Variants in FHAD1 observed in about 807,000 individuals in gnomAD.
FHAD1 encodes forkhead associated phosphopeptide binding domain 1.
A neutral mutation model predicts 191.3 loss-of-function variants in FHAD1; 146 were observed. That is an observed-to-expected ratio of 0.76 (90% CI 0.67 to 0.88). The LOEUF (loss-of-function observed/expected upper bound fraction) is 0.88. Among genes scored for constraint, FHAD1 ranks in the 40% least tolerant of loss-of-function variants. The probability of loss-of-function intolerance (pLI) is 0.00; values close to 1 mark genes in which losing one functional copy is unlikely to be tolerated. For synonymous variants in FHAD1, 616 were observed against 672.3 expected (o/e 0.92, Z 1.29); for missense variants, 1,635 against 1,785.8 (o/e 0.92, Z 1.52).
intron 33 of FHAD1, among the ~76,000 whole-genome samples, chr1:15,395,089 G>A (rs865818608): frequency 7.9e-5 from 12 of 152,002 alleles, no homozygotes; most frequent in African/African-American, 1.5e-4. Context: ...CGAGATGGGC[G>A]GATCATGAGG....
At chr1:15,278,662 C>T (rs1462655877) in intron 3 of FHAD1, among the ~76,000 whole-genome samples, 2 of 151,876 alleles carry the variant, frequency 1.3e-5, no homozygotes, top group Non-Finnish European at 2.9e-5. Flanking sequence ...TTAGTAGAGA[C>T]GCAGTTTCAC....
chr1:15,364,918 C>A (rs1199919115), intron 23 of FHAD1, among the ~76,000 whole-genome samples: 2 of 152,186 alleles, frequency 1.3e-5, no homozygotes, highest in Non-Finnish European at 2.9e-5. Context: ...ATCAACCATC[C>A]TGAGTCTCAG....
At chr1:15,241,150 G>A (rs781577076) in intron 1 of FHAD1, among the ~76,000 whole-genome samples, 2 of 151,998 alleles carry the variant, frequency 1.3e-5, no homozygotes, top group Non-Finnish European at 2.9e-5. Context: ...GGGTTGTTTT[G>A]AGCTGCTAAG....
chr1:15,319,084 C>T (rs1213877592), intron 10 of FHAD1, among the ~76,000 whole-genome samples: 1 of 152,116 alleles, frequency 6.6e-6, no homozygotes, highest in Non-Finnish European at 1.5e-5. Context: ...CCTGCCTCAG[C>T]CTCCCAAAGT....
At chr1:15,305,145 G>A (rs1670057261) in intron 6 of FHAD1, among the ~76,000 whole-genome samples, 1 of 152,224 alleles carries the variant, frequency 6.6e-6, no homozygotes, top group African/African-American at 2.4e-5. Context: ...AGAAGCAGAA[G>A]CTAAAACGCA....
At chr1:15,372,510 A>G (rs1175870686) in intron 26 of FHAD1, among the ~76,000 whole-genome samples, 1 of 151,426 alleles carries the variant, frequency 6.6e-6, no homozygotes, top group Non-Finnish European at 1.5e-5. Flanking sequence ...CCCCATAGAA[A>G]ATGCACCCAC....
In FHAD1 at chr1:15,293,537, G is replaced by A. The variant is rs1372084708; in HGVS notation, c.569-3147G>A. On this transcript the variant is annotated intron_variant, in intron 4 of 33. Transcript: ENST00000688493. ...GTCTGAGACCAGCCTGACTAACATG[G>A]TGAAACCCCATCTCTACTAAAAATA... Among the ~76,000 whole-genome samples the A allele has an allele frequency of 4.6e-5, 7 of 152,084 alleles. 1 individual carries two copies. Among genetic ancestry groups the A allele is most frequent in the Non-Finnish European group, 8.8e-5 (6 of 68,016 alleles).
At chr1:15,313,031 AC>A (rs1485409768) in intron 7 of FHAD1, 25 bp from the exon 8 acceptor site, 9 of 1,551,080 alleles carry the variant, frequency 5.8e-6, no homozygotes, top group Admixed American at 2.0e-5. Flanking sequence ...TGCCTCTTTG[AC>A]CTCTGCGAGT....
At chr1:15,267,052 A>C (rs529623671) in intron 2 of FHAD1, among the ~76,000 whole-genome samples, 82 of 152,350 alleles carry the variant, frequency 5.4e-4, no homozygotes, top group African/African-American at 2.0e-3. Context: ...AAAATAAATG[A>C]ATCTTAAATC....
chr1:15,259,063 T>C (rs1013603829), intron 2 of FHAD1, among the ~76,000 whole-genome samples: 19 of 152,342 alleles, frequency 1.2e-4, no homozygotes, highest in African/African-American at 4.6e-4. Context: ...TCTCCCCACA[T>C]CCTCACCAGC....
downstream of FHAD1, among the ~76,000 whole-genome samples, chr1:15,402,732 A>G (rs1387214566): frequency 6.6e-6 from 1 of 152,228 alleles, no homozygotes; most frequent in Non-Finnish European, 1.5e-5. Flanking sequence ...AACTTGCCCA[A>G]GGTCACAGAG....
At chr1:15,300,544 G>C (rs1365347716) in intron 5 of FHAD1, among the ~76,000 whole-genome samples, 4 of 152,174 alleles carry the variant, frequency 2.6e-5, no homozygotes, top group Admixed American at 6.5e-5. Context: ...TTCGTCCCCA[G>C]ATGTTAGACT....
chr1:15,308,594 G>A lies in FHAD1; in HGVS notation c.916-19G>A, dbSNP rs1178448089. On this transcript the variant is annotated intron_variant, in intron 6 of 33. Coordinates refer to ENST00000688493, the MANE Select transcript of FHAD1 (RefSeq NM_001391957.1). Reference sequence around the variant, plus strand: ...GACGTGGGCCAGCCCCCCTCTGACTGTGCCACCTCCTCCCACAGATCAGTG... The same window carrying A: ...GACGTGGGCCAGCCCCCCTCTGACTATGCCACCTCCTCCCACAGATCAGTG... The A allele has an allele frequency of 3.2e-6, 5 of 1,551,406 alleles. No homozygotes were observed. Among genetic ancestry groups the A allele is most frequent in the Non-Finnish European group, 4.4e-6 (5 of 1,146,874 alleles).
chr1:15,333,227 G>A (rs1682463218), intron 14 of FHAD1, among the ~76,000 whole-genome samples: 1 of 152,136 alleles, frequency 6.6e-6, no homozygotes, highest in Non-Finnish European at 1.5e-5. Context: ...AAGACTAAAA[G>A]AAAAGGGTAA....
chr1:15,333,909 T>C (rs1459110344), intron 14 of FHAD1, among the ~76,000 whole-genome samples: 1 of 148,650 alleles, frequency 6.7e-6, no homozygotes, highest in East Asian at 2.0e-4. Context: ...TTCAGCTCAT[T>C]GCAATCTCCA....
chr1:15,392,189 C>G (rs544320460), intron 33 of FHAD1, among the ~76,000 whole-genome samples: 1 of 152,304 alleles, frequency 6.6e-6, no homozygotes, highest in East Asian at 1.9e-4. Context: ...CCATTTTTCT[C>G]TGATGCAAGA....
Position 15,276,476 on chromosome 1 carries a change from A to T in FHAD1, c.300+3947A>T, listed in dbSNP as rs1658425266. On this transcript the variant is annotated intron_variant, in intron 3 of 33. Coordinates refer to ENST00000688493, the MANE Select transcript of FHAD1 (RefSeq NM_001391957.1). This position sits in a 1 kb window ranked among gnomAD's most constrained non-coding sequence, Gnocchi z 4.7. ...TGGCACCCACGATATGCTTAAGAGT[A>T]CACGTTATATATCATAGCTTTTTTG... Among the ~76,000 whole-genome samples the T allele has an allele frequency of 6.6e-6, 1 of 152,256 alleles. No homozygotes were observed. Among genetic ancestry groups the T allele is most frequent in the Admixed American group, 6.5e-5 (1 of 15,290 alleles).
At position 15,316,469 on chromosome 1, in the gene FHAD1, T is replaced by C; in HGVS notation, c.1260+2T>C. ...AAAGAGTTAAAACTCTGCAAAACCG[T>C]GAGTTGAGCTTCCTCCTTTGTAGGT... is the stretch of plus-strand genomic sequence containing the variant. On this transcript the variant is annotated splice_donor_variant, in intron 9 of 33. Coordinates refer to ENST00000688493, the MANE Select transcript of FHAD1 (RefSeq NM_001391957.1). LOFTEE classifies it high-confidence loss of function. The surrounding 1 kb of genome is among the most constrained non-coding windows in gnomAD (Gnocchi z 4.3). 1 of 1,551,370 alleles carries C rather than the reference T, an allele frequency of 6.4e-7. No individual in the cohort carries two copies. Among genetic ancestry groups the C allele is most frequent in the Non-Finnish European group, 8.7e-7 (1 of 1,146,816 alleles).
chr1:15,349,426 C>T (rs1211567258), intron 19 of FHAD1, among the ~76,000 whole-genome samples: 1 of 152,176 alleles, frequency 6.6e-6, no homozygotes, highest in African/African-American at 2.4e-5. Flanking sequence ...CCTAGAGGGC[C>T]CTCGGGAAGA....
Sources: allele counts gnomAD v4.1 joint callset (sites outside exome capture counted in the v4.1 genomes callset), GRCh38; gene constraint gnomAD v4.1.1; non-coding constraint Gnocchi (gnomAD v3.1); transcripts MANE v1.5; gene names NCBI Gene and HGNC (gene_info 2026-07-23, HGNC 2026-07-21).